Variants in CYP4F12 observed in about 807,000 individuals in gnomAD.
CYP4F12 encodes cytochrome P450 family 4 subfamily F member 12.
CYP4F12 carries 60 observed loss-of-function variants against 56.5 expected under a neutral mutation model. That is an observed-to-expected ratio of 1.06 (90% CI 0.86 to 1.32). The LOEUF (loss-of-function observed/expected upper bound fraction) is 1.32. CYP4F12 is among the 40% of genes most tolerant of loss of function. CYP4F12 has a pLI of 0.00. For synonymous variants in CYP4F12, 263 were observed against 264.9 expected (o/e 0.99, Z 0.07); for missense variants, 711 against 683.5 (o/e 1.04, Z -0.45).
At chr19:15,679,220 T>C (rs919426884) in intron 3 of CYP4F12, among the ~76,000 whole-genome samples, 164 of 152,326 alleles carry the variant, frequency 1.1e-3, no homozygotes, top group African/African-American at 3.6e-3. Context: ...TTGTGAGTGA[T>C]GGAAACTCAA....
chr19:15,678,384 C>G lies in CYP4F12; in HGVS notation c.322C>G (p.Arg108Gly). 5 of 1,614,162 alleles carry G rather than the reference C, an allele frequency of 3.1e-6. No homozygotes were observed. The highest frequency in any genetic ancestry group is 4.2e-6 in the Non-Finnish European group (5 of 1,180,024). Reference protein sequence around the residue: ...FIVLCHPDTIRSITNASAAIA... With the variant: ...FIVLCHPDTIGSITNASAAIA... ...CGTTTTATGCCACCCTGACACCATC[C>G]GGTCTATCACCAATGCCTCAGGTAC... is the stretch of plus-strand genomic sequence containing the variant. Residue 108 changes from arginine to glycine, a missense_variant, in exon 3 of 13, where the codon CGG (arginine) becomes GGG (glycine). Arg to Gly is a moderately radical substitution (Grantham distance 125). Transcript: ENST00000550308.
chr19:15,692,386 G>A (rs181962055), intron 9 of CYP4F12, among the ~76,000 whole-genome samples: 27 of 152,146 alleles, frequency 1.8e-4, no homozygotes, highest in Admixed American at 2.6e-4. Context: ...TTTAATCCAG[G>A]TATTTTATAT....
intron 2 of CYP4F12, among the ~76,000 whole-genome samples, chr19:15,676,489 T>TGCCCA (rs2006938115): frequency 8.6e-5 from 1 of 11,692 alleles, no homozygotes; most frequent in Non-Finnish European, 1.7e-4. Context: ...ACTCATTCCT[T>TGCCCA]TTCTCACTCA....
chr19:15,674,776 T>C (rs2144702953), intron 2 of CYP4F12, among the ~76,000 whole-genome samples: 1 of 152,234 alleles, frequency 6.6e-6, no homozygotes, highest in South Asian at 2.1e-4. Flanking sequence ...CTTTCTCACC[T>C]CCCTGTCCTC....
In CYP4F12 at chr19:15,685,541, A is replaced by G. The variant is rs550917298; in HGVS notation, c.1115+344A>G. On this transcript the variant is annotated intron_variant, in intron 9 of 12. Coordinates refer to ENST00000550308, the MANE Select transcript of CYP4F12 (RefSeq NM_023944.4). ...ATCCTCACTTCTTGAATGTTTGCTC[A>G]GGTGGGGAGGGAGAAGTTGTTTTTG... 3.5e-4 allele frequency among the ~76,000 whole-genome samples: 54 copies of G among 152,282 alleles called. 1 individual carries two copies. The highest frequency in any genetic ancestry group is 1.3e-3 in the African/African-American group (53 of 41,560).
chr19:15,686,440 AG>A (rs1250678346), intron 9 of CYP4F12, among the ~76,000 whole-genome samples: 4 of 151,676 alleles, frequency 2.6e-5, no homozygotes, highest in Admixed American at 1.3e-4. Flanking sequence ...AGGGAAAGAG[AG>A]GTTTGTGTGT....
chr19:15,690,996 A>G (rs2007844232), intron 9 of CYP4F12, among the ~76,000 whole-genome samples: 1 of 152,174 alleles, frequency 6.6e-6, no homozygotes, highest in African/African-American at 2.4e-5. Context: ...TTTCCACTCA[A>G]TACTGTGTCT....
chr19:15,689,015 T>C (rs1031220569), intron 9 of CYP4F12, among the ~76,000 whole-genome samples: 2 of 152,146 alleles, frequency 1.3e-5, no homozygotes, highest in Admixed American at 1.3e-4. Context: ...GAAAAACTCT[T>C]TTGGACATTG....
intron 9 of CYP4F12, among the ~76,000 whole-genome samples, chr19:15,689,470 G>A (rs2007775451): frequency 6.6e-6 from 1 of 152,200 alleles, no homozygotes; most frequent in South Asian, 2.1e-4. Context: ...ATAGATGTAT[G>A]TTGTGGATGT....
chr19:15,684,439 A>C, intron 7 of CYP4F12: 1 of 200,678 alleles, frequency 5.0e-6, no homozygotes, highest in Admixed American at 5.7e-5. Context: ...GAATGTCAGC[A>C]AATATTTTTG....
chr19:15,695,965 C>A lies in CYP4F12; in HGVS notation c.1145C>A (p.Thr382Asn), dbSNP rs2008111593. 2 of 1,613,916 alleles carry A rather than the reference C, an allele frequency of 1.2e-6. No individual in the cohort carries two copies. Among genetic ancestry groups the A allele is most frequent in the Non-Finnish European group, 1.7e-6 (2 of 1,179,944 alleles). The change falls in exon 10 of 13, where the codon ACC becomes AAC. Residue 382 changes from threonine (T) to asparagine (N), a missense_variant. Coordinates refer to ENST00000550308, the MANE Select transcript of CYP4F12 (RefSeq NM_023944.4). ...WDDLAQLPFL[T>N]MCVKESLRLH... ...GACCTGGCCCAGCTGCCCTTCCTGA[C>A]CATGTGCGTGAAGGAGAGCCTGAGG...
rs550293120 is a variant in CYP4F12 at position 15,683,574 on chromosome 19, G to A, written c.729G>A (p.Met243Ile). The A allele has an allele frequency of 1.9e-6, 3 of 1,614,158 alleles. No homozygotes were observed. In the South Asian group the frequency reaches 3.3e-5, roughly 18 times the overall value. ...EKRSQHILQH[M>I]DFLYYLSHDG... ...GAAGCCAGCATATCCTCCAGCACAT[G>A]GACTTTCTGTATTACCTCTCCCATG... Residue 243 changes from methionine (M) to isoleucine (I), a missense_variant, in exon 7 of 13, where the codon ATG (methionine) becomes ATA (isoleucine). By Grantham distance (10) the Met-to-Ile change is conservative. Coordinates refer to ENST00000550308, the MANE Select transcript of CYP4F12 (RefSeq NM_023944.4).
intron 5 of CYP4F12, 63 bp from the exon 6 acceptor site, chr19:15,682,326 G>A: frequency 6.3e-7 from 1 of 1,595,454 alleles, no homozygotes; most frequent in Non-Finnish European, 8.6e-7. Context: ...CTGATGTTTG[G>A]GACTGGGGAG....
intron 2 of CYP4F12, among the ~76,000 whole-genome samples, chr19:15,676,034 A>G (rs1216763443): frequency 2.0e-5 from 3 of 152,182 alleles, no homozygotes; most frequent in African/African-American, 7.2e-5. Flanking sequence ...GCCTGAGTCC[A>G]GAAAGGCCTG....
chr19:15,682,820 GA>G (rs2007377483), intron 6 of CYP4F12, among the ~76,000 whole-genome samples: 1 of 152,174 alleles, frequency 6.6e-6, no homozygotes. Context: ...CATTTCCAGA[GA>G]CCTTTTGTAG....
At chr19:15,681,395 TAA>T (rs1457227917) in intron 5 of CYP4F12, 3 of 152,196 alleles carry the variant, frequency 2.0e-5, no homozygotes, top group African/African-American at 7.2e-5. Flanking sequence ...TGCAAACTGA[TAA>T]GTTAGCTTGT....
In CYP4F12 at chr19:15,683,686, CAG is replaced by C. The variant is rs780308941; in HGVS notation, c.842_843del (p.Gln281ArgfsTer3). 6.2e-7 allele frequency: 1 copy of C among 1,612,076 alleles called. No individual in the cohort carries two copies. Among genetic ancestry groups the C allele is most frequent in the Non-Finnish European group, 8.5e-7 (1 of 1,179,250 alleles). On this transcript the variant is annotated frameshift_variant, in exon 7 of 13. Coordinates refer to ENST00000550308, the MANE Select transcript of CYP4F12 (RefSeq NM_023944.4). LOFTEE classifies it high-confidence loss of function. ...GGAGCGGCGTCGCACCCTCCCCACT[CAG>C]GGTATTGATGATTTTTTCAAAGACA... ...IRERRRTLPT[Q>X]GIDDFFKDKA...
At chr19:15,689,314 A>C (rs1256021006) in intron 9 of CYP4F12, among the ~76,000 whole-genome samples, 2 of 152,104 alleles carry the variant, frequency 1.3e-5, no homozygotes, top group Non-Finnish European at 2.9e-5. Flanking sequence ...TGAACAGATA[A>C]TTCTCAAAAG....
At chr19:15,685,718 C>T (rs780426880) in intron 9 of CYP4F12, among the ~76,000 whole-genome samples, 23 of 152,268 alleles carry the variant, frequency 1.5e-4, no homozygotes, top group Non-Finnish European at 2.6e-4. Flanking sequence ...TGAAGGCAGA[C>T]GATGACATCT....
Sources: gnomAD v4.1 joint callset for allele counts (sites outside exome capture counted in the v4.1 genomes callset) on GRCh38, gnomAD v4.1.1 for gene constraint, MANE v1.5 for transcripts, NCBI Gene and HGNC (gene_info 2026-07-23, HGNC 2026-07-21) for gene names.